The following GSG1L variants were observed in gnomAD, a reference collection of about 807,000 sequenced individuals.
The protein encoded by GSG1L is GSG1 like.
A neutral mutation model predicts 42.1 loss-of-function variants in GSG1L; 24 were observed. That is an observed-to-expected ratio of 0.57 (90% CI 0.41 to 0.80). GSG1L has a LOEUF of 0.80. GSG1L is among the 30% of genes least tolerant of loss of function. The pLI, the probability that GSG1L is intolerant of heterozygous loss-of-function variation, is 0.00. For missense variants in GSG1L, 445 were observed against 472.2 expected, an observed-to-expected ratio of 0.94 and a Z score of 0.53; for synonymous variants, 215 against 203.5, an observed-to-expected ratio of 1.06 and a Z score of -0.48.
chr16:27,961,722 G>A (rs909905298), intron 2 of GSG1L, among the ~76,000 whole-genome samples: 49 of 152,280 alleles, frequency 3.2e-4, no homozygotes, highest in Admixed American at 2.4e-3. Context: ...GGCTTGAGCC[G>A]CCCAGCCAAA....
intron 1 of GSG1L, among the ~76,000 whole-genome samples, chr16:27,967,827 C>A (rs1252603677): frequency 1.3e-5 from 2 of 152,092 alleles, no homozygotes; most frequent in Non-Finnish European, 2.9e-5. Flanking sequence ...GCAGGAGAAT[C>A]GCTTGAATAT....
chr16:27,821,767 G>C (rs2083153103), intron 5 of GSG1L, among the ~76,000 whole-genome samples: 1 of 152,042 alleles, frequency 6.6e-6, no homozygotes, highest in Non-Finnish European at 1.5e-5. Flanking sequence ...AGCTGTGCGT[G>C]GTGGCGGGCA....
rs140935742 is a variant in GSG1L at position 28,017,339 on chromosome 16, C to T, written c.349+45737G>A. On this transcript the variant is annotated intron_variant, in intron 1 of 6. Transcript: ENST00000447459. ...ACCCAGGACCAAATGTCAGCGAGGACGTGGGCAACACGGACATTCAGTCAC... is the reference window on the plus strand; with the variant it reads ...ACCCAGGACCAAATGTCAGCGAGGATGTGGGCAACACGGACATTCAGTCAC... Among the ~76,000 whole-genome samples the T allele has an allele frequency of 1.4e-3, 214 of 152,316 alleles. 1 individual carries two copies. Among genetic ancestry groups the T allele is most frequent in the Admixed American group, 3.1e-3 (47 of 15,294 alleles).
chr16:27,933,337 G>C (rs1365643904), intron 2 of GSG1L, among the ~76,000 whole-genome samples: 1 of 152,056 alleles, frequency 6.6e-6, no homozygotes, highest in Non-Finnish European at 1.5e-5. Flanking sequence ...GGGAGGTACA[G>C]AGTTGGTGTT....
At chr16:27,867,975 C>T (rs1349118120) in intron 3 of GSG1L, among the ~76,000 whole-genome samples, 1 of 152,262 alleles carries the variant, frequency 6.6e-6, no homozygotes, top group African/African-American at 2.4e-5. Context: ...CACTAAGTCC[C>T]TTAAAAACTG....
chr16:27,953,643 C>T (rs957593055), intron 2 of GSG1L, among the ~76,000 whole-genome samples: 11 of 152,074 alleles, frequency 7.2e-5, no homozygotes, highest in East Asian at 1.9e-4. Flanking sequence ...CTTTGGGAGG[C>T]CAAGGTGGGC....
At chr16:28,025,442 C>T (rs1289927849) in intron 1 of GSG1L, among the ~76,000 whole-genome samples, 1 of 152,220 alleles carries the variant, frequency 6.6e-6, no homozygotes, top group Non-Finnish European at 1.5e-5. Context: ...ATCCAGTTTT[C>T]GTGCCTTTCC....
chr16:27,975,956 A>G (rs2085245708), intron 1 of GSG1L, among the ~76,000 whole-genome samples: 1 of 152,196 alleles, frequency 6.6e-6, no homozygotes, highest in South Asian at 2.1e-4. Flanking sequence ...TCTCCAAAAA[A>G]TGATGTTTCC....
At chr16:28,041,670 C>A (rs1233149144) in intron 1 of GSG1L, among the ~76,000 whole-genome samples, 1 of 152,174 alleles carries the variant, frequency 6.6e-6, no homozygotes, top group Non-Finnish European at 1.5e-5. Flanking sequence ...CAGATCTCCC[C>A]AGGCCTGGCA....
chr16:27,803,788 T>TATATATATATATATAGATATAG (rs1567460391), intron 6 of GSG1L, among the ~76,000 whole-genome samples: 3 of 63,652 alleles, frequency 4.7e-5, no homozygotes, highest in African/African-American at 1.8e-4. Flanking sequence ...TATATATATA[T>TATATATATATATATAGATATAG]ATATATAGAT....
chr16:27,820,440 G>C (rs1001900588), intron 5 of GSG1L, among the ~76,000 whole-genome samples: 3 of 152,078 alleles, frequency 2.0e-5, no homozygotes, highest in South Asian at 2.1e-4. Flanking sequence ...GGAGTGAGGG[G>C]GTGGGAGCCA....
chr16:28,003,400 C>T (rs985532553), intron 1 of GSG1L, among the ~76,000 whole-genome samples: 17 of 152,214 alleles, frequency 1.1e-4, no homozygotes, highest in African/African-American at 4.1e-4. Flanking sequence ...CCCCTCTCTG[C>T]TCCTCTGAAC....
chr16:28,010,441 C>T (rs2085703632), intron 1 of GSG1L, among the ~76,000 whole-genome samples: 1 of 152,120 alleles, frequency 6.6e-6, no homozygotes, highest in South Asian at 2.1e-4. Flanking sequence ...GACACAGAGG[C>T]CCCCTCTGAT....
intron 3 of GSG1L, among the ~76,000 whole-genome samples, chr16:27,849,422 T>A (rs2083482040): frequency 6.6e-6 from 1 of 152,100 alleles, no homozygotes; most frequent in African/African-American, 2.4e-5. Context: ...GTGGAGACAG[T>A]GATTGTAAGG....
intron 1 of GSG1L, among the ~76,000 whole-genome samples, chr16:28,043,063 C>A (rs1289918940): frequency 1.3e-5 from 2 of 152,148 alleles, no homozygotes; most frequent in African/African-American, 2.4e-5. Flanking sequence ...TAATTCCCTG[C>A]CAAAGACGAG....
chr16:27,796,544 G>A (rs1554091), intron 6 of GSG1L, among the ~76,000 whole-genome samples: 26,580 of 152,204 alleles, frequency 0.17, 2,378 homozygotes, highest in African/African-American at 0.23. Flanking sequence ...GCATCAGCAT[G>A]GTCCCAGGCA....
intron 1 of GSG1L, among the ~76,000 whole-genome samples, chr16:27,980,117 C>A (rs2085309890): frequency 6.6e-6 from 1 of 152,038 alleles, no homozygotes; most frequent in African/African-American, 2.4e-5. Context: ...CCTGGCAGGG[C>A]CACAGGCAAA....
At chr16:27,966,026 C>A (rs1435775094) in intron 1 of GSG1L, among the ~76,000 whole-genome samples, 1 of 152,168 alleles carries the variant, frequency 6.6e-6, no homozygotes, top group Non-Finnish European at 1.5e-5. Flanking sequence ...GGTCTCCTTG[C>A]CAATCTTTAA....
intron 2 of GSG1L, among the ~76,000 whole-genome samples, chr16:27,951,282 C>G (rs1253044416): frequency 6.6e-6 from 1 of 152,188 alleles, no homozygotes; most frequent in African/African-American, 2.4e-5. Context: ...AGTTCCCAAC[C>G]TGGGTCGCAG....
Sources: gnomAD v4.1 joint callset for allele counts (sites outside exome capture counted in the v4.1 genomes callset) on GRCh38, gnomAD v4.1.1 for gene constraint, MANE v1.5 for transcripts, NCBI Gene and HGNC (gene_info 2026-07-23, HGNC 2026-07-21) for gene names.